OTOGL: variants seen among roughly 807,000 people sequenced by gnomAD.
OTOGL encodes otogelin-like protein.
OTOGL carries 285 observed loss-of-function variants against 318.5 expected under a neutral mutation model. The observed-to-expected ratio is 0.89, with a 90% CI of 0.81 to 0.99. The LOEUF is 0.99. Among genes scored for constraint, OTOGL ranks in the 50% least tolerant of loss-of-function variants. The pLI is 0.00. For missense variants in OTOGL, 2,899 were observed against 2,845.6 expected (o/e 1.02, Z -0.43); for synonymous variants, 987 against 936.5 (o/e 1.05, Z -0.99).
intron 9 of OTOGL, 126 bp downstream of exon 9, chr12:80,233,223 AGTGATT>A (rs1879539162): frequency 2.6e-6 from 2 of 767,588 alleles, no homozygotes; most frequent in Admixed American, 3.2e-5. Flanking sequence ...TGCCTGCTTT[AGTGATT>A]TTAAGTAAAG....
At chr12:80,297,279 CCT>C (rs987341542) in intron 27 of OTOGL, among the ~76,000 whole-genome samples, 5 of 151,900 alleles carry the variant, frequency 3.3e-5, no homozygotes, top group Non-Finnish European at 7.4e-5. Flanking sequence ...TAGTCTTTCC[CCT>C]CTTATTCATC....
intron 35 of OTOGL, among the ~76,000 whole-genome samples, chr12:80,326,240 A>G (rs1887671952): frequency 6.6e-6 from 1 of 152,140 alleles, no homozygotes; most frequent in Admixed American, 6.5e-5. Flanking sequence ...GCAAGTGTTT[A>G]GATAAAAATG....
At chr12:80,365,210 C>T (rs1212041715) in intron 52 of OTOGL, among the ~76,000 whole-genome samples, 1 of 152,072 alleles carries the variant, frequency 6.6e-6, no homozygotes, top group Non-Finnish European at 1.5e-5. Flanking sequence ...CTCGAATGTT[C>T]ATAGCAGCAC....
At chr12:80,233,482 T>C (rs1452882786) in intron 9 of OTOGL, among the ~76,000 whole-genome samples, 1 of 152,228 alleles carries the variant, frequency 6.6e-6, no homozygotes, top group African/African-American at 2.4e-5. Context: ...GATATGTCTA[T>C]GTTAGGTCAA....
intron 26 of OTOGL, among the ~76,000 whole-genome samples, chr12:80,283,517 A>G (rs573214201): frequency 6.6e-6 from 1 of 152,200 alleles, no homozygotes; most frequent in South Asian, 2.1e-4. Flanking sequence ...TTATTTTTAT[A>G]TACTCATCTA....
intron 1 of OTOGL, among the ~76,000 whole-genome samples, chr12:80,108,297 C>A (rs1264525448): frequency 6.6e-6 from 1 of 151,788 alleles, no homozygotes; most frequent in African/African-American, 2.4e-5. Context: ...ATTAATTATT[C>A]TGTTATAATA....
chr12:80,316,101 T>C (rs912660347), intron 32 of OTOGL, among the ~76,000 whole-genome samples: 1 of 152,212 alleles, frequency 6.6e-6, no homozygotes, highest in African/African-American at 2.4e-5. Context: ...AGAGATTAAA[T>C]AGCTTTGCCA....
At chr12:80,304,512 G>A (rs759896562) in intron 28 of OTOGL, among the ~76,000 whole-genome samples, 2 of 151,992 alleles carry the variant, frequency 1.3e-5, no homozygotes, top group Non-Finnish European at 2.9e-5. Context: ...CAAAAATACA[G>A]AAAAGATACA....
chr12:80,108,936 G>GTGTGTATATATA (rs1555268621), intron 1 of OTOGL, among the ~76,000 whole-genome samples: 28 of 128,226 alleles, frequency 2.2e-4, no homozygotes, highest in African/African-American at 9.0e-4. Flanking sequence ...ATATGTGTGT[G>GTGTGTATATATA]TATATATATA....
chr12:80,117,706 A>C (rs1870250545), intron 1 of OTOGL, among the ~76,000 whole-genome samples: 1 of 152,148 alleles, frequency 6.6e-6, no homozygotes, highest in Non-Finnish European at 1.5e-5. Context: ...GAATCCTCAA[A>C]TCAATTAAAC....
At chr12:80,144,037 T>C (rs1872137626) in intron 1 of OTOGL, among the ~76,000 whole-genome samples, 1 of 151,452 alleles carries the variant, frequency 6.6e-6, no homozygotes, top group Non-Finnish European at 1.5e-5. Context: ...CTCTGTCGTT[T>C]TGTGCTTTTC....
At chr12:80,286,937 T>C (rs1884677387) in intron 26 of OTOGL, among the ~76,000 whole-genome samples, 2 of 152,192 alleles carry the variant, frequency 1.3e-5, no homozygotes, top group African/African-American at 4.8e-5. Context: ...CTTTTGAATT[T>C]GTTTGCGCTT....
intron 46 of OTOGL, 75 bp downstream of exon 46, chr12:80,353,585 A>G (rs1889695741): frequency 8.5e-7 from 1 of 1,175,506 alleles, no homozygotes; most frequent in African/African-American, 1.6e-5. Flanking sequence ...TATTGCAGAG[A>G]TGTGCTAACA....
intron 26 of OTOGL, among the ~76,000 whole-genome samples, chr12:80,289,408 G>A (rs1565957468): frequency 6.6e-6 from 1 of 152,230 alleles, no homozygotes; most frequent in Non-Finnish European, 1.5e-5. Flanking sequence ...CTGTCCCTTA[G>A]TGGAGCTTGA....
intron 11 of OTOGL, among the ~76,000 whole-genome samples, chr12:80,245,117 T>C (rs1880757956): frequency 1.1e-5 from 1 of 92,376 alleles, no homozygotes; most frequent in Non-Finnish European, 2.0e-5. Context: ...AGGTTGCCTG[T>C]TCACTCTGAT....
intron 11 of OTOGL, among the ~76,000 whole-genome samples, chr12:80,249,992 C>T (rs997971001): frequency 6.6e-6 from 1 of 152,074 alleles, no homozygotes; most frequent in African/African-American, 2.4e-5. Flanking sequence ...TTGCGCTTCC[C>T]AGGTGAGGCA....
intron 1 of OTOGL, among the ~76,000 whole-genome samples, chr12:80,151,315 C>A: frequency 6.6e-6 from 1 of 152,136 alleles, no homozygotes; most frequent in Non-Finnish European, 1.5e-5. Flanking sequence ...CCTAAAGTAT[C>A]CCATGGTTAG....
At chr12:80,143,484 TC>T (rs1191025757) in intron 1 of OTOGL, among the ~76,000 whole-genome samples, 1 of 152,126 alleles carries the variant, frequency 6.6e-6, no homozygotes, top group Non-Finnish European at 1.5e-5. Context: ...AAAGTGTTCT[TC>T]CTCTCTTTCC....
chr12:80,367,672 AAG>A lies in OTOGL; in HGVS notation c.6445_6446del (p.Asp2149Ter). 1.3e-6 allele frequency: 2 copies of A among 1,499,338 alleles called. No individual in the cohort carries two copies. The highest frequency in any genetic ancestry group is 2.9e-5 in the African/African-American group (2 of 69,318). 92.9% of individuals were successfully genotyped at this position (1,499,338 alleles called of 1,614,324 possible). ...TATGCTATAGAGTGTCTGGAAGAAA[AAG>A]ATAACCATACGGGCTTTCACACTCT... On this transcript the variant is annotated frameshift_variant, in exon 54 of 59. Coordinates refer to ENST00000547103, the MANE Select transcript of OTOGL (RefSeq NM_001378609.3). LOFTEE classifies it high-confidence loss of function.
Sources: allele counts gnomAD v4.1 joint callset (sites outside exome capture counted in the v4.1 genomes callset), GRCh38; gene constraint gnomAD v4.1.1; transcripts MANE v1.5; gene names NCBI Gene and HGNC (gene_info 2026-07-23, HGNC 2026-07-21).